Variants in HSF2 observed in about 807,000 individuals in gnomAD.
HSF2 encodes heat shock transcription factor 2.
A neutral mutation model predicts 65.0 loss-of-function variants in HSF2; 21 were observed. The observed-to-expected ratio is 0.32, with a 90% CI of 0.23 to 0.47. HSF2 has a LOEUF of 0.47. Ranked by LOEUF, HSF2 falls within the 20% of genes least tolerant of loss-of-function variation. The pLI is 1.00. For synonymous variants in HSF2, 225 were observed against 219.1 expected (o/e 1.03, Z -0.24); for missense variants, 499 against 628.1 (o/e 0.79, Z 2.20).
chr6:122,408,477 TA>T (rs1291960346), intron 1 of HSF2, among the ~76,000 whole-genome samples: 1 of 152,170 alleles, frequency 6.6e-6, no homozygotes, highest in Admixed American at 6.5e-5. Context: ...TTATGTTTGC[TA>T]TTAGGCCTTG....
At chr6:122,411,438 T>C (rs1345516672) in intron 1 of HSF2, among the ~76,000 whole-genome samples, 1 of 151,902 alleles carries the variant, frequency 6.6e-6, no homozygotes, top group Non-Finnish European at 1.5e-5. Context: ...GTTGGTAGTC[T>C]TTAGATTTGA....
At chr6:122,422,116 AT>A in intron 7 of HSF2, 33 bp from the exon 8 acceptor site, 1 of 1,470,188 alleles carries the variant, frequency 6.8e-7, no homozygotes, top group Non-Finnish European at 9.3e-7. Context: ...AATGATTTTG[AT>A]TTTTAGATAT....
intron 1 of HSF2, among the ~76,000 whole-genome samples, chr6:122,406,820 AC>A (rs1186956281): frequency 2.6e-5 from 4 of 152,164 alleles, no homozygotes; most frequent in Admixed American, 6.6e-5. Context: ...CTTAAATTTG[AC>A]CATGCCTAGT....
rs540519982 is a variant in HSF2 at position 122,401,267 on chromosome 6, CAT to C, written c.93+1438_93+1439del. Among the ~76,000 whole-genome samples, 438 of 152,314 alleles carry C rather than the reference CAT, an allele frequency of 2.9e-3. 1 individual carries two copies. Among genetic ancestry groups the C allele is most frequent in the Non-Finnish European group, 4.7e-3 (323 of 68,024 alleles). ...CACTAGCATGTACTTAAAATAAACACATGTCTCATGCTTTTCATCAGTTAGAA... is the reference window on the plus strand; with the variant it reads ...CACTAGCATGTACTTAAAATAAACACGTCTCATGCTTTTCATCAGTTAGAA... On this transcript the variant is annotated intron_variant, in intron 1 of 12. Transcript: ENST00000368455.
intron 1 of HSF2, among the ~76,000 whole-genome samples, chr6:122,401,401 C>T (rs1218302061): frequency 3.9e-5 from 6 of 152,182 alleles, no homozygotes; most frequent in African/African-American, 1.4e-4. Context: ...CTTTATCATA[C>T]CTTTTTGTCT....
chr6:122,406,672 T>G (rs1773874590), intron 1 of HSF2, among the ~76,000 whole-genome samples: 1 of 152,232 alleles, frequency 6.6e-6, no homozygotes, highest in Non-Finnish European at 1.5e-5. Context: ...TAAAAATGAT[T>G]CATAAATTTG....
chr6:122,419,965 C>A (rs1308160290), intron 6 of HSF2, among the ~76,000 whole-genome samples, 170 bp from the exon 7 acceptor site: 1 of 152,088 alleles, frequency 6.6e-6, no homozygotes, highest in Admixed American at 6.6e-5. Context: ...TCTCATCCAG[C>A]AGTTTCTGTT....
At chr6:122,424,298 T>G (rs1774297012) in intron 10 of HSF2, among the ~76,000 whole-genome samples, 1 of 152,050 alleles carries the variant, frequency 6.6e-6, no homozygotes, top group South Asian at 2.1e-4. Flanking sequence ...CTCCCTTCTT[T>G]ATCTAAAGCT....
At chr6:122,423,755 T>C in intron 10 of HSF2, 69 bp downstream of exon 10, 1 of 785,020 alleles carries the variant, frequency 1.3e-6, no homozygotes, top group African/African-American at 1.8e-5. Flanking sequence ...TAAAAACCAG[T>C]ACGTCATTTT....
chr6:122,408,759 C>T (rs757962029), intron 1 of HSF2, among the ~76,000 whole-genome samples: 7 of 151,868 alleles, frequency 4.6e-5, no homozygotes, highest in Non-Finnish European at 1.0e-4. Flanking sequence ...AAGCAATTAT[C>T]ATGGCATTCT....
At position 122,400,101 on chromosome 6, in the gene HSF2, C is replaced by T. The variant is rs372208203; in HGVS notation, c.93+271C>T. ...CGGCCCAGGCAGCCCCTTAACGGTCCGGTCCGCGTTCGGAACCGGCCCGGC... is the reference window on the plus strand; with the variant it reads ...CGGCCCAGGCAGCCCCTTAACGGTCTGGTCCGCGTTCGGAACCGGCCCGGC... On this transcript the variant is annotated intron_variant, in intron 1 of 12. Coordinates refer to ENST00000368455, the MANE Select transcript of HSF2 (RefSeq NM_004506.4). Among the ~76,000 whole-genome samples, 588 of 152,296 alleles carry T rather than the reference C, an allele frequency of 3.9e-3. 4 individuals carry two copies. The highest frequency in any genetic ancestry group is 0.012 in the African/African-American group (511 of 41,576).
intron 7 of HSF2, among the ~76,000 whole-genome samples, chr6:122,420,693 T>C (rs1774212317): frequency 7.0e-6 from 1 of 143,040 alleles, no homozygotes; most frequent in African/African-American, 2.6e-5. Flanking sequence ...ATTTAGTTTA[T>C]TCATTTCTTT....
At chr6:122,423,818 G>C in intron 10 of HSF2, 132 bp downstream of exon 10, 1 of 487,012 alleles carries the variant, frequency 2.1e-6, no homozygotes, top group Non-Finnish European at 3.6e-6. Context: ...TAATAATTTT[G>C]TTTATCAGAA....
At chr6:122,419,311 G>A in intron 6 of HSF2, 82 bp downstream of exon 6, 1 of 632,926 alleles carries the variant, frequency 1.6e-6, no homozygotes, top group Non-Finnish European at 2.8e-6. Context: ...GCCTACACTT[G>A]CTGAGTATGT....
intron 11 of HSF2, among the ~76,000 whole-genome samples, chr6:122,429,582 TATGA>T (rs936338837): frequency 3.0e-4 from 45 of 152,058 alleles, no homozygotes; most frequent in African/African-American, 1.1e-3. Flanking sequence ...AATTGGCCAC[TATGA>T]ATGAATAAGA....
At chr6:122,410,299 A>G (rs934125344) in intron 1 of HSF2, among the ~76,000 whole-genome samples, 1 of 151,682 alleles carries the variant, frequency 6.6e-6, no homozygotes, top group Admixed American at 6.6e-5. Flanking sequence ...TTCCTTTTGT[A>G]TTTCTATAGT....
chr6:122,407,538 C>T (rs896746895), intron 1 of HSF2, among the ~76,000 whole-genome samples: 1 of 150,624 alleles, frequency 6.6e-6, no homozygotes, highest in African/African-American at 2.4e-5. Flanking sequence ...TTTTCACGTT[C>T]GTTGGCCATT....
intron 7 of HSF2, 120 bp downstream of exon 7, chr6:122,420,342 T>C: frequency 1.6e-6 from 1 of 625,032 alleles, no homozygotes; most frequent in Non-Finnish European, 2.5e-6. Context: ...ATCCCACAGC[T>C]TTGTTAAATT....
intron 1 of HSF2, among the ~76,000 whole-genome samples, chr6:122,409,943 A>G (rs965175448): frequency 2.0e-5 from 3 of 151,964 alleles, no homozygotes; most frequent in Non-Finnish European, 2.9e-5. Flanking sequence ...TTTGAATGCC[A>G]TCTTGACTTA....
Sources: gnomAD v4.1 joint callset for allele counts (sites outside exome capture counted in the v4.1 genomes callset) on GRCh38, gnomAD v4.1.1 for gene constraint, MANE v1.5 for transcripts, NCBI Gene and HGNC (gene_info 2026-07-23, HGNC 2026-07-21) for gene names.